Variants in ITPR1 observed in about 807,000 individuals in gnomAD.
The protein encoded by ITPR1 is inositol 1,4,5-trisphosphate-gated calcium channel ITPR1.
ITPR1 carries 96 observed loss-of-function variants against 318.4 expected under a neutral mutation model. The observed-to-expected ratio is 0.30, with a 90% confidence interval of 0.26 to 0.36. The LOEUF (loss-of-function observed/expected upper bound fraction) is 0.36. ITPR1 is among the 10% of genes least tolerant of loss of function. The pLI is 1.00. For synonymous variants in ITPR1, 1,312 were observed against 1,289.9 expected (o/e 1.02, Z -0.37); for missense variants, 2,440 against 3,460.2 (o/e 0.71, Z 7.40).
chr3:4,518,127 C>T (rs965284957), intron 3 of ITPR1, among the ~76,000 whole-genome samples: 11 of 152,310 alleles, frequency 7.2e-5, no homozygotes, highest in African/African-American at 1.9e-4. Context: ...GCCAGCTTCT[C>T]TCTTTCCAGC....
chr3:4,641,926 T>C (rs566050893), intron 6 of ITPR1, among the ~76,000 whole-genome samples, 167 bp from the exon 7 acceptor site: 63 of 152,328 alleles, frequency 4.1e-4, no homozygotes, highest in African/African-American at 1.5e-3. Flanking sequence ...TTTTCTGTTC[T>C]TCCTTTTCTA....
At chr3:4,536,152 TGCAACTGGAGTTCAGTC>T (rs1476675779) in intron 4 of ITPR1, among the ~76,000 whole-genome samples, 2 of 152,170 alleles carry the variant, frequency 1.3e-5, no homozygotes, top group African/African-American at 2.4e-5. Flanking sequence ...GCTGCAGAGG[TGCAACTGGAGTTCAGTC>T]GTTTGCCAGG....
At chr3:4,680,831 C>T in intron 25 of ITPR1, 140 bp downstream of exon 25, 1 of 738,900 alleles carries the variant, frequency 1.4e-6, no homozygotes, top group South Asian at 2.0e-5. Context: ...CTGGCAGTTA[C>T]TCTTTTTGAG....
At chr3:4,821,391 C>T (rs2049706397) in intron 60 of ITPR1, among the ~76,000 whole-genome samples, 1 of 152,228 alleles carries the variant, frequency 6.6e-6, no homozygotes. Context: ...GAAAAGCCCT[C>T]AGATGCCACT....
intron 4 of ITPR1, among the ~76,000 whole-genome samples, chr3:4,529,388 GGTCATATT>G (rs964465806): frequency 5.3e-5 from 8 of 152,238 alleles, no homozygotes; most frequent in African/African-American, 1.7e-4. Flanking sequence ...AGCGTAATGG[GGTCATATT>G]GTCATATTGT....
At chr3:4,539,318 G>A (rs973028478) in intron 4 of ITPR1, among the ~76,000 whole-genome samples, 1 of 152,138 alleles carries the variant, frequency 6.6e-6, no homozygotes, top group Non-Finnish European at 1.5e-5. Context: ...TTTACAACTT[G>A]AGAGGCTTGC....
chr3:4,661,342 A>T (rs748943283), intron 14 of ITPR1, among the ~76,000 whole-genome samples: 3 of 152,182 alleles, frequency 2.0e-5, no homozygotes, highest in Non-Finnish European at 4.4e-5. Context: ...AATTTTCTGG[A>T]TTTCAACTGC....
intron 5 of ITPR1, among the ~76,000 whole-genome samples, chr3:4,637,997 G>A (rs914388588): frequency 6.6e-6 from 1 of 152,150 alleles, no homozygotes; most frequent in Non-Finnish European, 1.5e-5. Flanking sequence ...TCTCTACGAT[G>A]GCCCTAAAAG....
chr3:4,831,127 T>TCACACACACA (rs879186803), intron 60 of ITPR1: 76,232 of 309,242 alleles, frequency 0.25, 8,028 homozygotes, highest in Non-Finnish European at 0.29. Context: ...TCTCTCTCTC[T>TCACACACACA]CTCTCACACA....
intron 4 of ITPR1, among the ~76,000 whole-genome samples, chr3:4,579,976 C>G (rs564723938): frequency 6.6e-6 from 1 of 152,092 alleles, no homozygotes; most frequent in African/African-American, 2.4e-5. Flanking sequence ...TTTGGGAGGC[C>G]GAGACGGGTG....
intron 4 of ITPR1, among the ~76,000 whole-genome samples, chr3:4,620,419 A>G (rs530026259): frequency 1.3e-5 from 2 of 152,178 alleles, no homozygotes; most frequent in Non-Finnish European, 2.9e-5. Context: ...TTTTCATCCA[A>G]TCCTCCGTTA....
chr3:4,638,163 C>T (rs964558814), intron 5 of ITPR1, among the ~76,000 whole-genome samples: 1 of 152,118 alleles, frequency 6.6e-6, no homozygotes, highest in African/African-American at 2.4e-5. Context: ...AAAGAGGACC[C>T]ACTGGCACCT....
chr3:4,800,655 C>CTT, intron 54 of ITPR1, 55 bp downstream of exon 54: 1 of 1,544,380 alleles, frequency 6.5e-7, no homozygotes, highest in African/African-American at 1.4e-5. Context: ...ATAGGAATGC[C>CTT]TTGCACTCTG....
intron 2 of ITPR1, among the ~76,000 whole-genome samples, chr3:4,502,145 G>A (rs897957252): frequency 2.0e-5 from 3 of 152,174 alleles, no homozygotes; most frequent in Admixed American, 6.5e-5. Context: ...TGTCGTGTGT[G>A]TGTATGTTGT....
At chr3:4,625,970 T>C (rs1296555204) in intron 4 of ITPR1, among the ~76,000 whole-genome samples, 2 of 152,204 alleles carry the variant, frequency 1.3e-5, no homozygotes, top group Admixed American at 6.5e-5. Context: ...AGAGTAGTTA[T>C]TGGTTTGTTG....
At chr3:4,654,533 G>A (rs1189752107) in intron 12 of ITPR1, among the ~76,000 whole-genome samples, 1 of 152,340 alleles carries the variant, frequency 6.6e-6, no homozygotes, top group South Asian at 2.1e-4. Context: ...GGCAGCGGTT[G>A]TGTTACATGG....
At chr3:4,602,446 C>T (rs376970823) in intron 4 of ITPR1, among the ~76,000 whole-genome samples, 10 of 151,144 alleles carry the variant, frequency 6.6e-5, no homozygotes, top group South Asian at 4.2e-4. Flanking sequence ...GAGAATGACC[C>T]GGGCCTAGGA....
At chr3:4,727,010 T>A (rs1396702219) in intron 41 of ITPR1, 116 bp from the exon 42 acceptor site, 3 of 835,856 alleles carry the variant, frequency 3.6e-6, no homozygotes, top group Non-Finnish European at 5.8e-6. Context: ...CTATTCTCCT[T>A]TTGTGTAACT....
intron 4 of ITPR1, among the ~76,000 whole-genome samples, chr3:4,521,910 C>T (rs1282523323): frequency 3.3e-5 from 5 of 152,148 alleles, no homozygotes; most frequent in Admixed American, 2.0e-4. Context: ...AAGACATAGG[C>T]AGGGCAGCTT....
Sources: gnomAD v4.1 joint callset for allele counts (sites outside exome capture counted in the v4.1 genomes callset) on GRCh38, gnomAD v4.1.1 for gene constraint, MANE v1.5 for transcripts, NCBI Gene and HGNC (gene_info 2026-07-23, HGNC 2026-07-21) for gene names.